OR2L2: variants seen among roughly 807,000 people sequenced by gnomAD.
OR2L2 encodes the protein olfactory receptor 2L2.
For missense variants in OR2L2, 378 were observed against 375.2 expected (o/e 1.01, Z -0.06); for synonymous variants, 156 against 135.4 (o/e 1.15, Z -1.06).
At position 248,038,792 on chromosome 1, in the gene OR2L2, T is replaced by C; in HGVS notation, c.525T>C (p.His175=). The part of the protein sequence containing the change: ...IPYCKSRAIN[H]FFCDVPAMLT... ...ATTGCAAGTCCAGAGCCATCAATCA[T>C]TTTTTCTGTGATGTTCCAGCTATGT... Residue 175 remains histidine, a synonymous_variant, in exon 3 of 3, where the codon CAT becomes CAC. Transcript: ENST00000641771. The C allele has an allele frequency of 1.9e-6, 3 of 1,614,158 alleles. No individual in the cohort carries two copies. Among genetic ancestry groups the C allele is most frequent in the Non-Finnish European group, 2.5e-6 (3 of 1,180,020 alleles).
rs776268514 is a variant in OR2L2, at chr1:248,038,610, A to G, written c.343A>G (p.Thr115Ala). 1.1e-5 allele frequency: 17 copies of G among 1,614,172 alleles called. No homozygotes were observed. The highest frequency in any genetic ancestry group is 1.3e-5 in the Non-Finnish European group (15 of 1,180,008). Residue 115 changes from threonine to alanine, a missense_variant, in exon 3 of 3, where the codon ACA (threonine) becomes GCA (alanine). Transcript: ENST00000641771. ...TLAVAEGLLL[T>A]SMAYDRYVAI... Reference sequence around the variant, plus strand: ...AGCAGTTGCAGAAGGGCTGCTCCTGACATCAATGGCCTATGATCGTTATGT... The same window carrying G: ...AGCAGTTGCAGAAGGGCTGCTCCTGGCATCAATGGCCTATGATCGTTATGT...
chr1:248,036,424 CT>C (rs751653734), intron 2 of OR2L2, among the ~76,000 whole-genome samples: 23 of 152,142 alleles, frequency 1.5e-4, no homozygotes, highest in Middle Eastern at 6.8e-3. Flanking sequence ...ATCTTCATTC[CT>C]GAAAATAGGA....
At position 248,039,823 on chromosome 1, in the gene OR2L2, G is replaced by T. The variant is rs866367951; in HGVS notation, c.*617G>T. The stretch of plus-strand genomic sequence containing the variant: ...AATAGTTTTTATTTACTCTCAACTG[G>T]TATGTATGTCTTCTTCTTTTTCTTA... On this transcript the variant is annotated 3_prime_UTR_variant, in exon 3 of 3. Coordinates refer to ENST00000641771, the MANE Select transcript of OR2L2 (RefSeq NM_001385855.1). 1.3e-5 allele frequency: 2 copies of T among 152,016 alleles called. No individual in the cohort carries two copies. Among genetic ancestry groups the T allele is most frequent in the African/African-American group, 4.8e-5 (2 of 41,390 alleles). The allele number at this position is 152,016 out of a possible 1,614,324, so 9.4% of individuals were successfully genotyped here. A position where few individuals can be genotyped will look rare whatever the true frequency, so the allele number is the denominator to read the frequency against.
intron 1 of OR2L2, among the ~76,000 whole-genome samples, chr1:248,030,768 C>T (rs1662597364): frequency 6.6e-6 from 1 of 151,964 alleles, no homozygotes; most frequent in Non-Finnish European, 1.5e-5. Context: ...ATGTAAAGAG[C>T]TTTTTATTAG....
chr1:248,042,256 CA>C lies in OR2L2; in HGVS notation c.*3056del. The C allele has an allele frequency of 6.7e-6, 1 of 149,410 alleles. No individual in the cohort carries two copies. 9.3% of individuals were successfully genotyped at this position (149,410 alleles called of 1,614,324 possible). On this transcript the variant is annotated 3_prime_UTR_variant, in exon 3 of 3. Transcript: ENST00000641771. Reference sequence around the variant, plus strand: ...CATTCTCACTAAACTATCACAAGAACAAAAAACCAAACACCGCATATTCTCA... The same window carrying C: ...CATTCTCACTAAACTATCACAAGAACAAAAACCAAACACCGCATATTCTCA...
intron 1 of OR2L2, among the ~76,000 whole-genome samples, chr1:248,034,118 C>G (rs573416516): frequency 1.3e-5 from 2 of 152,238 alleles, no homozygotes; most frequent in African/African-American, 4.8e-5. Context: ...TGAGAGAACT[C>G]TATAAGGAAA....
In OR2L2 at chr1:248,042,065, T is replaced by C. The variant is rs1445079898; in HGVS notation, c.*2859T>C. On this transcript the variant is annotated 3_prime_UTR_variant, in exon 3 of 3. Coordinates refer to ENST00000641771, the MANE Select transcript of OR2L2 (RefSeq NM_001385855.1). The stretch of plus-strand genomic sequence containing the variant: ...AAAGACACATGCACACCTATGTTTA[T>C]TGCGGCACTATTCACAATAGCAAAG... The C allele has an allele frequency of 6.6e-6, 1 of 152,092 alleles. No homozygotes were observed. Among genetic ancestry groups the C allele is most frequent in the Non-Finnish European group, 1.5e-5 (1 of 68,028 alleles). The allele number at this position is 152,092 out of a possible 1,614,324, so 9.4% of individuals were successfully genotyped here. A position where few individuals can be genotyped will look rare whatever the true frequency, so the allele number is the denominator to read the frequency against.
At position 248,041,356 on chromosome 1, in the gene OR2L2, A is replaced by G. The variant is rs904561290; in HGVS notation, c.*2150A>G. 2.0e-5 allele frequency: 3 copies of G among 152,180 alleles called. No individual in the cohort carries two copies. The highest frequency in any genetic ancestry group is 1.9e-4 in the East Asian group (1 of 5,194). 9.4% of individuals were successfully genotyped at this position (152,180 alleles called of 1,614,324 possible). A position where few individuals can be genotyped will look rare whatever the true frequency, so the allele number is the denominator to read the frequency against. ...TTCCTTACACCTTATACAAAAATCAATTCAAGATGGATTAAAGACTTAAAC... is the reference window on the plus strand; with the variant it reads ...TTCCTTACACCTTATACAAAAATCAGTTCAAGATGGATTAAAGACTTAAAC... On this transcript the variant is annotated 3_prime_UTR_variant, in exon 3 of 3. Transcript: ENST00000641771.
intron 2 of OR2L2, among the ~76,000 whole-genome samples, chr1:248,036,050 T>A (rs1464268889): frequency 6.6e-6 from 1 of 152,190 alleles, no homozygotes; most frequent in African/African-American, 2.4e-5. Flanking sequence ...AATATTTTAC[T>A]AAAAATATTT....
intron 2 of OR2L2, among the ~76,000 whole-genome samples, chr1:248,037,010 A>C (rs1338972192): frequency 6.6e-6 from 1 of 152,154 alleles, no homozygotes; most frequent in Non-Finnish European, 1.5e-5. Context: ...GAGACATGGA[A>C]GCTAAAATGA....
intron 1 of OR2L2, among the ~76,000 whole-genome samples, chr1:248,031,582 C>T (rs1156674287): frequency 6.6e-6 from 1 of 152,024 alleles, no homozygotes. Flanking sequence ...ATTTTCTATC[C>T]AATGGTCTGG....
intron 2 of OR2L2, among the ~76,000 whole-genome samples, chr1:248,037,901 A>T (rs574795564): frequency 3.0e-4 from 45 of 152,336 alleles, no homozygotes; most frequent in African/African-American, 8.9e-4. Flanking sequence ...TTATGTCATC[A>T]TGTAGACATT....
In OR2L2 at chr1:248,041,534, C is replaced by T. The variant is rs1453691917; in HGVS notation, c.*2328C>T. On this transcript the variant is annotated 3_prime_UTR_variant, in exon 3 of 3. Transcript: ENST00000641771. ...GAGATCTAATTAAACTAAAGAGCTTCTGCACAGCAAAAGAAACTACCATCA... is the reference window on the plus strand; with the variant it reads ...GAGATCTAATTAAACTAAAGAGCTTTTGCACAGCAAAAGAAACTACCATCA... The T allele has an allele frequency of 6.6e-6, 1 of 152,186 alleles. No individual in the cohort carries two copies. Among genetic ancestry groups the T allele is most frequent in the Non-Finnish European group, 1.5e-5 (1 of 68,034 alleles). The allele number at this position is 152,186 out of a possible 1,614,324, so 9.4% of individuals were successfully genotyped here.
chr1:248,031,603 C>T lies in OR2L2; in HGVS notation c.-97+1368C>T, dbSNP rs142687601. 3.1e-3 allele frequency among the ~76,000 whole-genome samples: 478 copies of T among 152,202 alleles called. 3 individuals are homozygous for T. Among genetic ancestry groups the T allele is most frequent in the African/African-American group, 9.2e-3 (381 of 41,518 alleles). ...TATCCAATGGTCTGGCTGGCACCAC[C>T]GCAGGCAGAGCTGGGCTGTAAATTG... On this transcript the variant is annotated intron_variant, in intron 1 of 2. Transcript: ENST00000641771.
chr1:248,032,810 C>T (rs185732420), intron 1 of OR2L2, among the ~76,000 whole-genome samples: 3 of 152,164 alleles, frequency 2.0e-5, no homozygotes, highest in Non-Finnish European at 4.4e-5. Context: ...CTGCTGTGAA[C>T]GTGGGCATAT....
At chr1:248,033,034 T>C (rs973662520) in intron 1 of OR2L2, among the ~76,000 whole-genome samples, 8 of 152,214 alleles carry the variant, frequency 5.3e-5, no homozygotes, top group East Asian at 3.8e-4. Flanking sequence ...TGGTTTGACT[T>C]ACAATATTTT....
Position 248,038,494 on chromosome 1 carries a change from T to C in OR2L2, c.227T>C (p.Ile76Thr), listed in dbSNP as rs758378165. The C allele has an allele frequency of 1.2e-6, 2 of 1,613,888 alleles. No homozygotes were observed. Among genetic ancestry groups the C allele is most frequent in the Non-Finnish European group, 8.5e-7 (1 of 1,179,876 alleles). The change falls in exon 3 of 3, where the codon ATT becomes ACT. Residue 76 changes from isoleucine to threonine, a missense_variant. Physicochemically the swap from Ile to Thr is moderately conservative, Grantham distance 89. Coordinates refer to ENST00000641771, the MANE Select transcript of OR2L2 (RefSeq NM_001385855.1). The part of the protein sequence containing the change: ...SLIDLNYIST[I>T]VPKMVYDFLY... ...ATTGACCTAAATTACATCTCCACCA[T>C]TGTTCCAAAGATGGTTTATGATTTT...
chr1:248,031,103 C>G (rs918007946), intron 1 of OR2L2, among the ~76,000 whole-genome samples: 1 of 152,116 alleles, frequency 6.6e-6, no homozygotes, highest in African/African-American at 2.4e-5. Context: ...GGACAGAACC[C>G]ACGTGGATTT....
At chr1:248,033,935 A>C (rs1662688599) in intron 1 of OR2L2, among the ~76,000 whole-genome samples, 1 of 152,202 alleles carries the variant, frequency 6.6e-6, no homozygotes, top group Non-Finnish European at 1.5e-5. Context: ...AGAGGAAGCC[A>C]AACTGTCCCT....
Sources: allele counts gnomAD v4.1 joint callset (sites outside exome capture counted in the v4.1 genomes callset), GRCh38; gene constraint gnomAD v4.1.1; transcripts MANE v1.5; gene names NCBI Gene and HGNC (gene_info 2026-07-23, HGNC 2026-07-21).